The following ARHGAP24 variants were observed in gnomAD, a reference collection of about 807,000 sequenced individuals.
ARHGAP24 encodes rho GTPase-activating protein 24.
A neutral mutation model predicts 76.4 loss-of-function variants in ARHGAP24; 50 were observed. That is an observed-to-expected ratio of 0.65 (90% CI 0.52 to 0.83). The LOEUF is 0.83. ARHGAP24 is among the 40% of genes least tolerant of loss of function. The pLI, the probability that ARHGAP24 is intolerant of heterozygous loss-of-function variation, is 0.00. For missense variants in ARHGAP24, 930 were observed against 914.2 expected, an observed-to-expected ratio of 1.02 and a Z score of -0.22; for synonymous variants, 345 against 323.3, an observed-to-expected ratio of 1.07 and a Z score of -0.72.
intron 2 of ARHGAP24, among the ~76,000 whole-genome samples, chr4:85,572,059 G>A (rs1376364744): frequency 6.6e-6 from 1 of 152,128 alleles, no homozygotes; most frequent in Non-Finnish European, 1.5e-5. Flanking sequence ...TTTTACAGAG[G>A]AGGAAACTGT....
intron 3 of ARHGAP24, among the ~76,000 whole-genome samples, chr4:85,843,592 A>T (rs1298070355): frequency 2.6e-5 from 4 of 152,056 alleles, no homozygotes; most frequent in Non-Finnish European, 5.9e-5. Context: ...CCAAATGTTG[A>T]TTGTCAGGAA....
At chr4:85,483,701 T>C (rs1722907405) in intron 1 of ARHGAP24, among the ~76,000 whole-genome samples, 1 of 152,208 alleles carries the variant, frequency 6.6e-6, no homozygotes, top group Admixed American at 6.5e-5. Context: ...TGTGTGTGTG[T>C]GCATTTCATA....
intron 3 of ARHGAP24, among the ~76,000 whole-genome samples, chr4:85,806,048 G>A (rs1044118154): frequency 2.4e-4 from 36 of 152,146 alleles, no homozygotes; most frequent in African/African-American, 8.7e-4. Flanking sequence ...CCTTCTGGCA[G>A]CCTACCCCAT....
At chr4:85,989,566 A>G (rs143122309) in intron 8 of ARHGAP24, among the ~76,000 whole-genome samples, 181 of 151,818 alleles carry the variant, frequency 1.2e-3, no homozygotes, top group African/African-American at 4.2e-3. Context: ...ATATCAAAAC[A>G]GATAAAGACA....
intron 8 of ARHGAP24, among the ~76,000 whole-genome samples, chr4:85,988,424 C>T (rs1187228360): frequency 1.3e-5 from 2 of 151,238 alleles, no homozygotes; most frequent in African/African-American, 4.8e-5. Context: ...AAAATGGAAG[C>T]AAACATGAAA....
intron 3 of ARHGAP24, among the ~76,000 whole-genome samples, chr4:85,908,952 A>G (rs1425585836): frequency 1.3e-5 from 2 of 152,204 alleles, no homozygotes. Flanking sequence ...CTGAGTTTCA[A>G]TATGCTTTAG....
intron 3 of ARHGAP24, chr4:85,827,973 A>G (rs1156335896): frequency 7.8e-7 from 1 of 1,289,754 alleles, no homozygotes; most frequent in Admixed American, 2.3e-5. Context: ...ATGTTTGTGC[A>G]AGGTGAGAGC....
Position 85,506,563 on chromosome 4 carries a change from A to C in ARHGAP24, c.-21+31004A>C, listed in dbSNP as rs868269547. Among the ~76,000 whole-genome samples, 13 of 149,448 alleles carry C rather than the reference A, an allele frequency of 8.7e-5. 1 individual carries two copies. Among genetic ancestry groups the C allele is most frequent in the Middle Eastern group, 3.4e-3 (1 of 294 alleles). ...GGACCCACTGAGCCAGGCACAGAAG[A>C]AAATCTTCAGGTCTGCCAGTTGTGA... is the stretch of plus-strand genomic sequence containing the variant. On this transcript the variant is annotated intron_variant, in intron 1 of 9. Transcript: ENST00000395184.
chr4:85,690,098 A>G (rs544249365), intron 2 of ARHGAP24, among the ~76,000 whole-genome samples: 1 of 152,058 alleles, frequency 6.6e-6, no homozygotes, highest in South Asian at 2.1e-4. Flanking sequence ...GAAGTTTTCT[A>G]TGTTTATTTC....
chr4:85,745,761 A>C (rs184776643), intron 3 of ARHGAP24, among the ~76,000 whole-genome samples: 1 of 152,224 alleles, frequency 6.6e-6, no homozygotes, highest in Admixed American at 6.5e-5. Context: ...AGTGTAATAC[A>C]TAGAAGAATG....
At chr4:85,736,433 G>T (rs1294767506) in intron 3 of ARHGAP24, among the ~76,000 whole-genome samples, 3 of 152,150 alleles carry the variant, frequency 2.0e-5, no homozygotes, top group African/African-American at 7.2e-5. Flanking sequence ...TGTAGAAATG[G>T]GTAGCTTCTG....
intron 3 of ARHGAP24, among the ~76,000 whole-genome samples, chr4:85,790,141 A>C (rs1210866808): frequency 6.6e-6 from 1 of 152,130 alleles, no homozygotes; most frequent in East Asian, 1.9e-4. Flanking sequence ...CAAAAACTCC[A>C]GGTGATTATG....
chr4:85,483,433 G>C (rs376490164), intron 1 of ARHGAP24, among the ~76,000 whole-genome samples: 16 of 152,158 alleles, frequency 1.1e-4, no homozygotes, highest in Middle Eastern at 3.4e-3. Flanking sequence ...TCAACATGGC[G>C]AAACTCCGTC....
At chr4:85,642,270 T>G (rs1325591398) in intron 2 of ARHGAP24, among the ~76,000 whole-genome samples, 1 of 152,054 alleles carries the variant, frequency 6.6e-6, no homozygotes, top group African/African-American at 2.4e-5. Flanking sequence ...TGCCTCAACA[T>G]CATAACAAGG....
chr4:85,730,983 A>G (rs895494804), intron 3 of ARHGAP24, among the ~76,000 whole-genome samples: 14 of 125,684 alleles, frequency 1.1e-4, no homozygotes, highest in African/African-American at 4.2e-4. Flanking sequence ...ATTTAATATA[A>G]CTGCACACAC....
At position 85,973,833 on chromosome 4, in the gene ARHGAP24, G is replaced by GTTTTTTTTTTTTTTT. The variant is rs1199796194; in HGVS notation, c.733-1042_733-1028dup. On this transcript the variant is annotated intron_variant, in intron 6 of 9. Coordinates refer to ENST00000395184, the MANE Select transcript of ARHGAP24 (RefSeq NM_001025616.3). ...CTCATGTCAAAAACTGCTGCCTATT[G>GTTTTTTTTTTTTTTT]TTTTTTTTTTTTTTTTTTTTTTTTT... Among the ~76,000 whole-genome samples, 26 of 42,822 alleles carry GTTTTTTTTTTTTTTT rather than the reference G, an allele frequency of 6.1e-4. 11 individuals carry two copies. The highest frequency in any genetic ancestry group is 2.2e-3 in the South Asian group (2 of 926). 28.1% of individuals were successfully genotyped at this position (42,822 alleles called of 152,430 possible).
chr4:85,812,781 T>G (rs1026086637), intron 3 of ARHGAP24, among the ~76,000 whole-genome samples: 1 of 152,190 alleles, frequency 6.6e-6, no homozygotes, highest in African/African-American at 2.4e-5. Context: ...ATAGAACGTC[T>G]GATACAAGGC....
intron 2 of ARHGAP24, among the ~76,000 whole-genome samples, chr4:85,706,389 T>G (rs1038577496): frequency 6.6e-6 from 1 of 152,160 alleles, no homozygotes; most frequent in African/African-American, 2.4e-5. Flanking sequence ...TCTTGCTTAC[T>G]AAAACTCATC....
chr4:85,961,915 T>C (rs1470562469), intron 5 of ARHGAP24, among the ~76,000 whole-genome samples: 1 of 152,100 alleles, frequency 6.6e-6, no homozygotes, highest in African/African-American at 2.4e-5. Context: ...AATTGTTGAA[T>C]GTATTATGAA....
Sources: allele counts gnomAD v4.1 joint callset (sites outside exome capture counted in the v4.1 genomes callset), GRCh38; gene constraint gnomAD v4.1.1; transcripts MANE v1.5; gene names NCBI Gene and HGNC (gene_info 2026-07-23, HGNC 2026-07-21).